Variants in ST3GAL4 observed in about 807,000 individuals in gnomAD.
ST3GAL4 encodes ST3 beta-galactoside alpha-2,3-sialyltransferase 4, also known as CMP-N-acetylneuraminate-beta-galactosamide-alpha-2,3-sialyltransferase 4.
ST3GAL4 carries 24 observed loss-of-function variants against 42.6 expected under a neutral mutation model. That is an observed-to-expected ratio of 0.56 (90% CI 0.41 to 0.79). The LOEUF (loss-of-function observed/expected upper bound fraction) is 0.79. Among genes scored for constraint, ST3GAL4 ranks in the 30% least tolerant of loss-of-function variants. The pLI is 0.00. For synonymous variants in ST3GAL4, 135 were observed against 163.2 expected, an observed-to-expected ratio of 0.83 and a Z score of 1.32; for missense variants, 311 against 430.8, an observed-to-expected ratio of 0.72 and a Z score of 2.46.
chr11:126,378,504 GT>G lies in ST3GAL4; in HGVS notation c.-61+22664del, dbSNP rs1277307028. Among the ~76,000 whole-genome samples the G allele has an allele frequency of 1.2e-4, 19 of 152,140 alleles. No homozygotes were observed. Among genetic ancestry groups the G allele is most frequent in the Admixed American group, 1.2e-3 (19 of 15,274 alleles). ...GCTCACTGCAACCTCTGCTTCCCGG[GT>G]TCATGCGATTCTCCTGCCTCAGCCT... On this transcript the variant is annotated intron_variant, in intron 1 of 10. Coordinates refer to ENST00000444328, the MANE Select transcript of ST3GAL4 (RefSeq NM_001254757.2). This position sits in a 1 kb window ranked among gnomAD's most constrained non-coding sequence, Gnocchi z 5.3.
rs1407707925 is a variant in ST3GAL4, at chr11:126,409,064, G to T, written c.628-204G>T. Among the ~76,000 whole-genome samples, 3 of 152,092 alleles carry T rather than the reference G, an allele frequency of 2.0e-5. No homozygotes were observed. Among genetic ancestry groups the T allele is most frequent in the Non-Finnish European group, 4.4e-5 (3 of 68,016 alleles). Reference sequence around the variant, plus strand: ...ACCTGGTCACCTGGCCTCCCGAGGGGGTGCCTTTCCTCCTCTCTTTCCCTG... The same window carrying T: ...ACCTGGTCACCTGGCCTCCCGAGGGTGTGCCTTTCCTCCTCTCTTTCCCTG... On this transcript the variant is annotated intron_variant, in intron 8 of 10. Transcript: ENST00000444328. This position sits in a 1 kb window ranked among gnomAD's most constrained non-coding sequence, Gnocchi z 4.9.
At position 126,407,109 on chromosome 11, in the gene ST3GAL4, G is replaced by A. The variant is rs894606826; in HGVS notation, c.182+86G>A. 4 of 1,495,272 alleles carry A rather than the reference G, an allele frequency of 2.7e-6. No individual in the cohort carries two copies. The African/African-American group carries it at 5.5e-5, about 21-fold the overall frequency. 92.6% of individuals were successfully genotyped at this position (1,495,272 alleles called of 1,614,324 possible). A position where few individuals can be genotyped will look rare whatever the true frequency, so the allele number is the denominator to read the frequency against. ...TCACAGTGTGGGGAGTAGATGGAAA[G>A]AGCAGCTGTGTTGGTGGACATGGGT... On this transcript the variant is annotated intron_variant, in intron 4 of 10. Transcript: ENST00000444328.
Position 126,368,451 on chromosome 11 carries a change from G to C in ST3GAL4, c.-61+12609G>C, listed in dbSNP as rs1006804424. On this transcript the variant is annotated intron_variant, in intron 1 of 10. Coordinates refer to ENST00000444328, the MANE Select transcript of ST3GAL4 (RefSeq NM_001254757.2). ...CTGACTTGTCCAGCCTCACAGTCTGGGGAGGCCTTGGGGTCCCCAGCCTGC... is the reference window on the plus strand; with the variant it reads ...CTGACTTGTCCAGCCTCACAGTCTGCGGAGGCCTTGGGGTCCCCAGCCTGC... Among the ~76,000 whole-genome samples, 9 of 152,368 alleles carry C rather than the reference G, an allele frequency of 5.9e-5. No homozygotes were observed. The East Asian group carries it at 1.2e-3, about 20-fold the overall frequency.
rs923117900 is a variant in ST3GAL4, at chr11:126,379,570, C to T, written c.-61+23728C>T. 2.6e-5 allele frequency among the ~76,000 whole-genome samples: 4 copies of T among 152,096 alleles called. No homozygotes were observed. The highest frequency in any genetic ancestry group is 2.1e-4 in the South Asian group (1 of 4,814). ...TTGGCTCACTGCAACCTCCACCTCC[C>T]GGGTTCAAGTAATTCTCCTGCCTCA... On this transcript the variant is annotated intron_variant, in intron 1 of 10. Coordinates refer to ENST00000444328, the MANE Select transcript of ST3GAL4 (RefSeq NM_001254757.2). The surrounding 1 kb of genome is among the most constrained non-coding windows in gnomAD (Gnocchi z 4.2).
chr11:126,412,782 C>T (rs1349904076), intron 9 of ST3GAL4, among the ~76,000 whole-genome samples: 3 of 152,252 alleles, frequency 2.0e-5, no homozygotes, highest in East Asian at 1.9e-4. Flanking sequence ...GAGGGCAGAA[C>T]ACTTCCTTTC....
intron 1 of ST3GAL4, among the ~76,000 whole-genome samples, chr11:126,394,518 G>A (rs932589828): frequency 1.3e-4 from 20 of 152,066 alleles, no homozygotes; most frequent in African/African-American, 2.2e-4. Flanking sequence ...TCCACCTCCC[G>A]GGCTCAAGTG....
rs1480733739 is a variant in ST3GAL4 at position 126,359,648 on chromosome 11, A to G, written c.-61+3806A>G. ...CTCTGAGTGCTCTCCCGAACCCCACATCCCGGCCGGGCCGTACCCTGAGCA... is the reference window on the plus strand; with the variant it reads ...CTCTGAGTGCTCTCCCGAACCCCACGTCCCGGCCGGGCCGTACCCTGAGCA... On this transcript the variant is annotated intron_variant, in intron 1 of 10. Coordinates refer to ENST00000444328, the MANE Select transcript of ST3GAL4 (RefSeq NM_001254757.2). The surrounding 1 kb of genome is among the most constrained non-coding windows in gnomAD (Gnocchi z 4.8). Among the ~76,000 whole-genome samples, 1 of 152,100 alleles carries G rather than the reference A, an allele frequency of 6.6e-6. No individual in the cohort carries two copies. Among genetic ancestry groups the G allele is most frequent in the Non-Finnish European group, 1.5e-5 (1 of 68,006 alleles).
intron 1 of ST3GAL4, chr11:126,403,259 C>A: frequency 2.0e-6 from 1 of 499,816 alleles, no homozygotes; most frequent in Non-Finnish European, 2.6e-6. Flanking sequence ...GGAATGAAGA[C>A]AAGACAATGT....
intron 1 of ST3GAL4, among the ~76,000 whole-genome samples, chr11:126,361,826 A>T (rs1467819713): frequency 6.6e-6 from 1 of 151,520 alleles, no homozygotes; most frequent in Non-Finnish European, 1.5e-5. Context: ...ATGGCCTTGG[A>T]TACAGCTTGC....
At chr11:126,399,866 C>G (rs1426903235) in intron 1 of ST3GAL4, among the ~76,000 whole-genome samples, 1 of 152,140 alleles carries the variant, frequency 6.6e-6, no homozygotes, top group Non-Finnish European at 1.5e-5. Flanking sequence ...TCAGATATAT[C>G]TGAGACCTCA....
rs547458299 is a variant in ST3GAL4, at chr11:126,403,490, C to G, written c.-60-2606C>G. 47 of 973,960 alleles carry G rather than the reference C, an allele frequency of 4.8e-5. No homozygotes were observed. The Admixed American group carries it at 1.8e-3, about 37-fold the overall frequency. The allele number at this position is 973,960 out of a possible 1,614,324, so 60.3% of individuals were successfully genotyped here. ...GCATTTTAGAATCACAGAGGAGGTACGGCGCTGATTTGTTTTACTATTCCC... is the reference window on the plus strand; with the variant it reads ...GCATTTTAGAATCACAGAGGAGGTAGGGCGCTGATTTGTTTTACTATTCCC... On this transcript the variant is annotated intron_variant, in intron 1 of 10. Coordinates refer to ENST00000444328, the MANE Select transcript of ST3GAL4 (RefSeq NM_001254757.2).
rs768439567 is a variant in ST3GAL4 at position 126,400,237 on chromosome 11, C to G, written c.-60-5859C>G. 1.1e-4 allele frequency among the ~76,000 whole-genome samples: 16 copies of G among 152,240 alleles called. No individual in the cohort carries two copies. Among genetic ancestry groups the G allele is most frequent in the Non-Finnish European group, 2.2e-4 (15 of 68,044 alleles). On this transcript the variant is annotated intron_variant, in intron 1 of 10. Transcript: ENST00000444328. The surrounding 1 kb of genome is among the most constrained non-coding windows in gnomAD (Gnocchi z 4.6). ...GGCTGCTCTGGCAAGGGCCTTCTTG[C>G]TGCATCATCCCATGGTGGAGAGTGG...
intron 1 of ST3GAL4, among the ~76,000 whole-genome samples, chr11:126,394,714 G>A (rs1325775306): frequency 2.0e-5 from 3 of 151,974 alleles, no homozygotes; most frequent in South Asian, 2.1e-4. Context: ...CATGAGGCAC[G>A]GGGCCCTGCC....
Position 126,411,518 on chromosome 11 carries a change from C to T in ST3GAL4, c.772-1987C>T, listed in dbSNP as rs2135563638. Among the ~76,000 whole-genome samples, 1 of 152,238 alleles carries T rather than the reference C, an allele frequency of 6.6e-6. No homozygotes were observed. Among genetic ancestry groups the T allele is most frequent in the African/African-American group, 2.4e-5 (1 of 41,546 alleles). On this transcript the variant is annotated intron_variant, in intron 9 of 10. Coordinates refer to ENST00000444328, the MANE Select transcript of ST3GAL4 (RefSeq NM_001254757.2). This position sits in a 1 kb window ranked among gnomAD's most constrained non-coding sequence, Gnocchi z 6.3. ...AATACCCATGTACTGGCTCATGGTC[C>T]TGTAGATCAGAACAGCAGGGTGTGG...
rs1565407649 is a variant in ST3GAL4 at position 126,386,253 on chromosome 11, C to A, written c.-60-19843C>A. ...CCTGTGGTTGTCATTGCCCCGTCATCTCCACCATTTCCTGTTTGCCGTGTG... is the reference window on the plus strand; with the variant it reads ...CCTGTGGTTGTCATTGCCCCGTCATATCCACCATTTCCTGTTTGCCGTGTG... On this transcript the variant is annotated intron_variant, in intron 1 of 10. Transcript: ENST00000444328. The surrounding 1 kb of genome is among the most constrained non-coding windows in gnomAD (Gnocchi z 4.7). Among the ~76,000 whole-genome samples the A allele has an allele frequency of 6.6e-6, 1 of 152,180 alleles. No individual in the cohort carries two copies. The highest frequency in any genetic ancestry group is 1.5e-5 in the Non-Finnish European group (1 of 68,028).
intron 1 of ST3GAL4, chr11:126,358,586 C>T (rs533305789): frequency 3.3e-5 from 12 of 366,452 alleles, no homozygotes; most frequent in Non-Finnish European, 5.2e-5. Flanking sequence ...CAGCAGCGTG[C>T]GATGCCCAGG....
At position 126,400,865 on chromosome 11, in the gene ST3GAL4, T is replaced by C. The variant is rs962707565; in HGVS notation, c.-60-5231T>C. ...TGACCTTCACACTGGGGCTGAGTTT[T>C]GTAAAATCCGACATCCCCAGTTTCA... On this transcript the variant is annotated intron_variant, in intron 1 of 10. Transcript: ENST00000444328. This position sits in a 1 kb window ranked among gnomAD's most constrained non-coding sequence, Gnocchi z 4.6. 6.6e-6 allele frequency among the ~76,000 whole-genome samples: 1 copy of C among 152,166 alleles called. No homozygotes were observed. The highest frequency in any genetic ancestry group is 2.4e-5 in the African/African-American group (1 of 41,434).
chr11:126,377,230 G>A (rs539507802), intron 1 of ST3GAL4, among the ~76,000 whole-genome samples: 2 of 151,526 alleles, frequency 1.3e-5, no homozygotes, highest in South Asian at 4.2e-4. Context: ...GAGTGTAGTG[G>A]CGCAATCTCA....
At chr11:126,369,085 A>G (rs1421535114) in intron 1 of ST3GAL4, among the ~76,000 whole-genome samples, 2 of 152,174 alleles carry the variant, frequency 1.3e-5, no homozygotes, top group Non-Finnish European at 1.5e-5. Flanking sequence ...TCCTCAGGGT[A>G]GGACACAAGG....
Sources: gnomAD v4.1 joint callset for allele counts (sites outside exome capture counted in the v4.1 genomes callset) on GRCh38, gnomAD v4.1.1 for gene constraint, Gnocchi (gnomAD v3.1) non-coding constraint, MANE v1.5 for transcripts, NCBI Gene and HGNC (gene_info 2026-07-23, HGNC 2026-07-21) for gene names.